KHDRBS2: variants seen among roughly 807,000 people sequenced by gnomAD.
KHDRBS2 encodes KH RNA binding domain containing, signal transduction associated 2, also known as KH domain-containing, RNA-binding, signal transduction-associated protein 2.
KHDRBS2 carries 26 observed loss-of-function variants against 44.3 expected under a neutral mutation model. The observed-to-expected ratio is 0.59, with a 90% CI of 0.43 to 0.81. The LOEUF is 0.81. KHDRBS2 is among the 40% of genes least tolerant of loss of function. The pLI is 0.00. For missense variants in KHDRBS2, 476 were observed against 433.1 expected, an observed-to-expected ratio of 1.10 and a Z score of -0.88; for synonymous variants, 194 against 151.1, an observed-to-expected ratio of 1.28 and a Z score of -2.08.
At chr6:61,962,205 A>G (rs1768894919) in intron 4 of KHDRBS2, among the ~76,000 whole-genome samples, 1 of 152,074 alleles carries the variant, frequency 6.6e-6, no homozygotes, top group South Asian at 2.1e-4. Context: ...TTGTGTTGCT[A>G]ATCAAAAGTA....
intron 6 of KHDRBS2, among the ~76,000 whole-genome samples, chr6:61,751,489 C>T (rs555341192): frequency 9.9e-5 from 15 of 152,094 alleles, no homozygotes; most frequent in South Asian, 4.2e-4. Context: ...AAGAATGTGC[C>T]GAGAAAAGGG....
chr6:61,655,006 A>T, the KHDRBS2 span, among the ~76,000 whole-genome samples: 1,786 of 151,912 alleles, frequency 0.012, 36 homozygotes, highest in African/African-American at 0.042. Context: ...GCTAGCTGAG[A>T]CAGCTTTCTG....
chr6:61,843,373 T>TATA (rs1020577724), intron 6 of KHDRBS2, among the ~76,000 whole-genome samples: 10 of 139,928 alleles, frequency 7.1e-5, no homozygotes, highest in Non-Finnish European at 1.2e-4. Flanking sequence ...TTATTATTAT[T>TATA]ATATTTTGAG....
the KHDRBS2 span, among the ~76,000 whole-genome samples, chr6:61,584,869 T>C: frequency 2.0e-5 from 3 of 151,524 alleles, no homozygotes; most frequent in East Asian, 3.9e-4. Flanking sequence ...ACAAAAAAAT[T>C]TTAAAGCGTA....
At chr6:62,060,021 A>G (rs1417034583) in intron 2 of KHDRBS2, among the ~76,000 whole-genome samples, 1 of 151,824 alleles carries the variant, frequency 6.6e-6, no homozygotes, top group Admixed American at 6.6e-5. Flanking sequence ...CTTCCCTGGA[A>G]AGGAAGCATT....
chr6:61,685,355 A>T (rs890708658), intron 8 of KHDRBS2, among the ~76,000 whole-genome samples: 3 of 151,866 alleles, frequency 2.0e-5, no homozygotes, highest in Non-Finnish European at 1.5e-5. Flanking sequence ...ACAGTGGTAG[A>T]CACTGAATAA....
At chr6:62,022,847 T>C (rs1227565817) in intron 3 of KHDRBS2, among the ~76,000 whole-genome samples, 2 of 151,738 alleles carry the variant, frequency 1.3e-5, no homozygotes, top group African/African-American at 4.8e-5. Flanking sequence ...TGAAATTCCT[T>C]AATTTTTGTT....
intron 1 of KHDRBS2, among the ~76,000 whole-genome samples, chr6:62,196,991 C>T (rs1306394304): frequency 6.6e-6 from 1 of 152,028 alleles, no homozygotes; most frequent in Non-Finnish European, 1.5e-5. Context: ...CTACTTTGCC[C>T]TCTAGCACTG....
intron 6 of KHDRBS2, among the ~76,000 whole-genome samples, chr6:61,865,074 G>A (rs7776225): frequency 0.017 from 2,517 of 152,086 alleles, 71 homozygotes; most frequent in African/African-American, 0.053. Flanking sequence ...ATTAATACTT[G>A]TGACTGCATT....
intron 2 of KHDRBS2, among the ~76,000 whole-genome samples, chr6:62,087,816 C>A (rs1359517358): frequency 1.3e-5 from 2 of 152,148 alleles, no homozygotes; most frequent in African/African-American, 4.8e-5. Flanking sequence ...CTCCCTGTCA[C>A]CTTCAGGTAC....
chr6:62,239,837 C>G (rs565113411), intron 1 of KHDRBS2, among the ~76,000 whole-genome samples: 2 of 151,902 alleles, frequency 1.3e-5, no homozygotes, highest in South Asian at 2.1e-4. Context: ...AGGTGCCCAC[C>G]ACCATGCCCG....
chr6:62,121,357 A>G (rs1202443332), intron 2 of KHDRBS2, among the ~76,000 whole-genome samples: 1 of 152,214 alleles, frequency 6.6e-6, no homozygotes, highest in Non-Finnish European at 1.5e-5. Flanking sequence ...AGGGGTGGTG[A>G]TTCCCACCAC....
chr6:61,624,203 C>T, the KHDRBS2 span, among the ~76,000 whole-genome samples: 1 of 152,286 alleles, frequency 6.6e-6, no homozygotes, highest in African/African-American at 2.4e-5. Context: ...TGTCCAGTGA[C>T]TTCAGAAAGC....
chr6:62,174,862 C>T (rs1488665553), intron 2 of KHDRBS2, among the ~76,000 whole-genome samples: 1 of 151,680 alleles, frequency 6.6e-6, no homozygotes, highest in Non-Finnish European at 1.5e-5. Context: ...TCCATAAATA[C>T]TGTTGTGTTC....
chr6:61,863,337 G>A (rs1797307099), intron 6 of KHDRBS2, among the ~76,000 whole-genome samples: 1 of 150,234 alleles, frequency 6.7e-6, no homozygotes, highest in Non-Finnish European at 1.5e-5. Context: ...TCAGTGTTAG[G>A]GTGCCTTTGC....
chr6:61,840,900 G>A (rs1793500604), intron 6 of KHDRBS2, among the ~76,000 whole-genome samples: 1 of 152,090 alleles, frequency 6.6e-6, no homozygotes, highest in East Asian at 1.9e-4. Flanking sequence ...AATGGAAATG[G>A]AGACATGCAG....
At chr6:61,724,299 A>C (rs2127557234) in intron 7 of KHDRBS2, among the ~76,000 whole-genome samples, 1 of 152,252 alleles carries the variant, frequency 6.6e-6, no homozygotes, top group East Asian at 1.9e-4. Flanking sequence ...CCTATATCAC[A>C]AGAGCTTCTT....
chr6:61,687,440 C>G lies in KHDRBS2; in HGVS notation c.953-6380G>C, dbSNP rs183351631. Among the ~76,000 whole-genome samples the G allele has an allele frequency of 2.6e-5, 4 of 151,870 alleles. No individual in the cohort carries two copies. In the East Asian group the frequency reaches 5.8e-4, roughly 22 times the overall value. Reference sequence around the variant, plus strand: ...ATGCACATGGCAGGCACTCAGTAATCATTTACTCAATAAATTAATTATATT... The same window carrying G: ...ATGCACATGGCAGGCACTCAGTAATGATTTACTCAATAAATTAATTATATT... On this transcript the variant is annotated intron_variant, in intron 8 of 8. Transcript: ENST00000281156.
chr6:61,871,748 C>T (rs769510135), intron 6 of KHDRBS2, among the ~76,000 whole-genome samples: 1 of 152,120 alleles, frequency 6.6e-6, no homozygotes, highest in Non-Finnish European at 1.5e-5. Context: ...TCATATCCAG[C>T]CAAACTAAGC....
Sources: gnomAD v4.1 joint callset for allele counts (sites outside exome capture counted in the v4.1 genomes callset) on GRCh38, gnomAD v4.1.1 for gene constraint, MANE v1.5 for transcripts, NCBI Gene and HGNC (gene_info 2026-07-23, HGNC 2026-07-21) for gene names.